The following NKAIN3 variants were observed in gnomAD, a reference collection of about 807,000 sequenced individuals.
NKAIN3 encodes sodium/potassium-transporting ATPase subunit beta-1-interacting protein 3.
A neutral mutation model predicts 30.2 loss-of-function variants in NKAIN3; 25 were observed. The observed-to-expected ratio is 0.83, with a 90% CI of 0.60 to 1.16. The LOEUF (loss-of-function observed/expected upper bound fraction) is 1.16, where lower values mean the gene tolerates loss of function less well. Ranked by LOEUF, NKAIN3 falls within the 50% of genes most tolerant of loss-of-function variation. NKAIN3 has a pLI of 0.00. For synonymous variants in NKAIN3, 91 were observed against 89.6 expected (o/e 1.02, Z -0.09); for missense variants, 225 against 254.1 (o/e 0.89, Z 0.78).
At chr8:62,579,190 T>C (rs1408654890) in intron 1 of NKAIN3, among the ~76,000 whole-genome samples, 1 of 151,966 alleles carries the variant, frequency 6.6e-6, no homozygotes, top group Non-Finnish European at 1.5e-5. Context: ...GTACCCCTCA[T>C]AATTAAACAT....
intron 1 of NKAIN3, among the ~76,000 whole-genome samples, chr8:62,476,165 C>T (rs1367472732): frequency 1.3e-5 from 2 of 152,058 alleles, no homozygotes; most frequent in African/African-American, 2.4e-5. Flanking sequence ...AATTCTAAGA[C>T]AAAGTAAGAA....
intron 5 of NKAIN3, among the ~76,000 whole-genome samples, chr8:62,939,580 A>G (rs192284528): frequency 1.3e-5 from 2 of 152,354 alleles, no homozygotes; most frequent in East Asian, 3.9e-4. Flanking sequence ...ACAAGCTAGA[A>G]GGAAGTGGGG....
intron 4 of NKAIN3, among the ~76,000 whole-genome samples, chr8:62,775,357 T>C (rs1341009324): frequency 6.6e-6 from 1 of 152,058 alleles, no homozygotes; most frequent in Non-Finnish European, 1.5e-5. Flanking sequence ...AAAAACAAAA[T>C]TTTCATTTTG....
chr8:62,620,576 C>CA (rs1465625045), intron 3 of NKAIN3, among the ~76,000 whole-genome samples: 1 of 152,100 alleles, frequency 6.6e-6, no homozygotes, highest in East Asian at 1.9e-4. Flanking sequence ...GAGGCAAGTG[C>CA]ATTTGTCTTT....
intron 1 of NKAIN3, among the ~76,000 whole-genome samples, chr8:62,514,318 T>G (rs183359739): frequency 5.3e-5 from 8 of 152,222 alleles, no homozygotes; most frequent in Non-Finnish European, 1.2e-4. Context: ...CTCTGAAATA[T>G]TTCAACCTAT....
intron 1 of NKAIN3, among the ~76,000 whole-genome samples, chr8:62,364,287 C>T (rs1816657679): frequency 6.6e-6 from 1 of 152,258 alleles, no homozygotes; most frequent in African/African-American, 2.4e-5. Flanking sequence ...CAAGTCAGGA[C>T]TTGTAGTAAT....
chr8:62,448,073 T>G (rs1313265218), intron 1 of NKAIN3, among the ~76,000 whole-genome samples: 3 of 151,958 alleles, frequency 2.0e-5, no homozygotes, highest in Non-Finnish European at 4.4e-5. Flanking sequence ...ATTCAGTTAA[T>G]AATTAGGTAT....
intron 1 of NKAIN3, among the ~76,000 whole-genome samples, chr8:62,476,645 C>T (rs1208973700): frequency 6.6e-6 from 1 of 151,824 alleles, no homozygotes; most frequent in African/African-American, 2.4e-5. Context: ...TTAATAGAGA[C>T]AGGGTTTCAC....
At chr8:62,845,342 G>C (rs1306870661) in intron 4 of NKAIN3, among the ~76,000 whole-genome samples, 1 of 127,582 alleles carries the variant, frequency 7.8e-6, no homozygotes, top group African/African-American at 2.9e-5. Context: ...TCCTTGCCTT[G>C]TATTTATCAA....
chr8:62,608,263 T>C (rs1364563593), intron 3 of NKAIN3, among the ~76,000 whole-genome samples: 5 of 152,142 alleles, frequency 3.3e-5, no homozygotes, highest in Non-Finnish European at 7.4e-5. Context: ...CATTGATAAA[T>C]TGGTTTTGGT....
intron 2 of NKAIN3, among the ~76,000 whole-genome samples, chr8:62,588,912 T>A (rs1303676687): frequency 6.6e-6 from 1 of 151,838 alleles, no homozygotes. Flanking sequence ...TTTGTCTGCA[T>A]AAAAAAGTGA....
At chr8:62,923,237 G>T (rs1304457270) in intron 5 of NKAIN3, among the ~76,000 whole-genome samples, 1 of 152,078 alleles carries the variant, frequency 6.6e-6, no homozygotes, top group Non-Finnish European at 1.5e-5. Flanking sequence ...TCGGAAGTGG[G>T]AGTTGGTGGG....
chr8:62,885,348 A>G (rs1010990551), intron 4 of NKAIN3, among the ~76,000 whole-genome samples: 1 of 152,204 alleles, frequency 6.6e-6, no homozygotes, highest in Non-Finnish European at 1.5e-5. Flanking sequence ...GAGAGCAGAC[A>G]TTGTATGATT....
At chr8:62,362,161 A>T (rs571324979) in intron 1 of NKAIN3, among the ~76,000 whole-genome samples, 1 of 152,360 alleles carries the variant, frequency 6.6e-6, no homozygotes, top group Admixed American at 6.5e-5. Context: ...TGAATAAATG[A>T]ATGAGCATCA....
chr8:62,723,574 T>C (rs1398438788), intron 3 of NKAIN3, among the ~76,000 whole-genome samples: 1 of 152,120 alleles, frequency 6.6e-6, no homozygotes, highest in Non-Finnish European at 1.5e-5. Flanking sequence ...TTAAAACTCA[T>C]AGATTACTAA....
At chr8:62,339,105 A>G (rs1162996220) in intron 1 of NKAIN3, among the ~76,000 whole-genome samples, 1 of 152,062 alleles carries the variant, frequency 6.6e-6, no homozygotes, top group East Asian at 1.9e-4. Context: ...ACCACTAGGA[A>G]GAATGTTCCA....
chr8:62,583,853 A>C (rs1810389273), intron 2 of NKAIN3, among the ~76,000 whole-genome samples: 2 of 152,218 alleles, frequency 1.3e-5, no homozygotes, highest in Non-Finnish European at 2.9e-5. Context: ...CTATTTGATA[A>C]AAGTACCTAA....
At chr8:62,816,425 C>G (rs1818680704) in intron 4 of NKAIN3, among the ~76,000 whole-genome samples, 1 of 152,084 alleles carries the variant, frequency 6.6e-6, no homozygotes, top group South Asian at 2.1e-4. Flanking sequence ...AGCAACTCTG[C>G]CTTGGGAGAA....
chr8:62,293,104 C>CA (rs1207083801), intron 1 of NKAIN3, among the ~76,000 whole-genome samples: 2 of 152,126 alleles, frequency 1.3e-5, no homozygotes, highest in Non-Finnish European at 2.9e-5. Context: ...GACTTCTCTA[C>CA]ACTGTTTATT....
Sources: gnomAD v4.1 joint callset for allele counts (sites outside exome capture counted in the v4.1 genomes callset) on GRCh38, gnomAD v4.1.1 for gene constraint, MANE v1.5 for transcripts, NCBI Gene and HGNC (gene_info 2026-07-23, HGNC 2026-07-21) for gene names.